Variants in MAPK14 observed in about 807,000 individuals in gnomAD.
MAPK14 encodes the protein mitogen-activated protein kinase 14, also known as CSAID-binding protein.
A neutral mutation model predicts 49.6 loss-of-function variants in MAPK14; 16 were observed. That is an observed-to-expected ratio of 0.32 (90% CI 0.22 to 0.49). The LOEUF is 0.49. MAPK14 is among the 20% of genes least tolerant of loss of function. MAPK14 has a pLI of 0.99. For synonymous variants in MAPK14, 142 were observed against 158.0 expected (o/e 0.90, Z 0.76); for missense variants, 200 against 441.2 (o/e 0.45, Z 4.90).
At chr6:36,108,313 CAG>C (rs1562157490) in intron 11 of MAPK14, 65 bp from the exon 12 acceptor site, 3 of 1,198,402 alleles carry the variant, frequency 2.5e-6, no homozygotes, top group Non-Finnish European at 3.7e-6. Context: ...GCTTAGAAGT[CAG>C]AGTGCTTGCC....
At chr6:36,060,690 A>G (rs1763784255) in intron 3 of MAPK14, among the ~76,000 whole-genome samples, 1 of 152,078 alleles carries the variant, frequency 6.6e-6, no homozygotes, top group South Asian at 2.1e-4. Context: ...CACAAAGGGG[A>G]TATGTTTGAA....
At chr6:36,093,554 C>T (rs2127464990) in intron 8 of MAPK14, among the ~76,000 whole-genome samples, 1 of 152,050 alleles carries the variant, frequency 6.6e-6, no homozygotes, top group South Asian at 2.1e-4. Context: ...CCCGTCTCTA[C>T]TAAAAATACA....
At chr6:36,122,407 C>T in the MAPK14 span, among the ~76,000 whole-genome samples, 1 of 152,222 alleles carries the variant, frequency 6.6e-6, no homozygotes, top group African/African-American at 2.4e-5. Flanking sequence ...TGAGTTGGGC[C>T]TGCATATCAG....
chr6:36,081,761 T>C (rs1764770592), intron 8 of MAPK14, among the ~76,000 whole-genome samples: 1 of 152,186 alleles, frequency 6.6e-6, no homozygotes. Context: ...CAATTGGCAT[T>C]TCTATTTCTG....
chr6:36,075,202 G>T (rs1184114793), intron 6 of MAPK14, among the ~76,000 whole-genome samples: 1 of 142,158 alleles, frequency 7.0e-6, no homozygotes, highest in African/African-American at 2.7e-5. Context: ...CCCCAGCCTG[G>T]GCAACAGAGC....
chr6:36,075,690 C>A, intron 6 of MAPK14, 158 bp from the exon 7 acceptor site: 1 of 927,902 alleles, frequency 1.1e-6, no homozygotes, highest in Non-Finnish European at 1.7e-6. Context: ...ATTTACCATA[C>A]ATTCTAAGTA....
chr6:36,103,476 A>G lies in MAPK14; in HGVS notation c.841+827A>G, dbSNP rs149220232. Among the ~76,000 whole-genome samples the G allele has an allele frequency of 3.4e-3, 510 of 152,198 alleles. 4 individuals are homozygous for G. The highest frequency in any genetic ancestry group is 0.011 in the African/African-American group (477 of 41,524). Reference sequence around the variant, plus strand: ...TGCCTCAGCCTTCCAAATAGCTAGGACTACAGGCATGCATCCCCAAGCCTG... The same window carrying G: ...TGCCTCAGCCTTCCAAATAGCTAGGGCTACAGGCATGCATCCCCAAGCCTG... On this transcript the variant is annotated intron_variant, in intron 10 of 11. Transcript: ENST00000229794.
At chr6:36,123,887 C>T in the MAPK14 span, among the ~76,000 whole-genome samples, 1 of 151,912 alleles carries the variant, frequency 6.6e-6, no homozygotes, top group African/African-American at 2.4e-5. Context: ...TGGAGTGGAA[C>T]GGGGAGTGTG....
intron 2 of MAPK14, among the ~76,000 whole-genome samples, chr6:36,055,381 T>C (rs566770756): frequency 6.6e-6 from 1 of 152,252 alleles, no homozygotes; most frequent in South Asian, 2.1e-4. Flanking sequence ...ATGCTAAATA[T>C]TGTCTCTGGA....
intron 10 of MAPK14, among the ~76,000 whole-genome samples, chr6:36,103,195 G>A (rs1428981438): frequency 6.6e-6 from 1 of 152,094 alleles, no homozygotes; most frequent in Non-Finnish European, 1.5e-5. Context: ...CCTGTTTGTG[G>A]AGCTTATTTG....
chr6:36,059,468 C>T, intron 3 of MAPK14, 121 bp downstream of exon 3: 1 of 728,424 alleles, frequency 1.4e-6, no homozygotes, highest in Non-Finnish European at 2.4e-6. Flanking sequence ...CTATCATGCA[C>T]CTCTTTTTGG....
intron 6 of MAPK14, 57 bp downstream of exon 6, chr6:36,074,153 T>TA: frequency 7.2e-7 from 1 of 1,385,382 alleles, no homozygotes. Context: ...TATGTTTGAC[T>TA]AAGCAGGCAG....
chr6:36,073,744 A>C (rs752924450), intron 5 of MAPK14, 24 bp downstream of exon 5: 1 of 1,608,168 alleles, frequency 6.2e-7, no homozygotes, highest in Non-Finnish European at 8.5e-7. Context: ...CTTTGATTAC[A>C]TTATTTTGGG....
At position 36,107,602 on chromosome 6, in the gene MAPK14, G is replaced by C; in HGVS notation, c.989G>C (p.Arg330Thr). The C allele has an allele frequency of 6.3e-7, 1 of 1,593,098 alleles. No individual in the cohort carries two copies. Among genetic ancestry groups the C allele is most frequent in the Non-Finnish European group, 8.5e-7 (1 of 1,170,458 alleles). ...CCTTATGATCAGTCCTTTGAAAGCA[G>C]GGACCTCCTTATAGATGAGTGGAAA... ...ADPYDQSFES[R>T]DLLIDEWKSL... Residue 330 changes from arginine to threonine, a missense_variant, in exon 11 of 12, where the codon AGG (arginine) becomes ACG (threonine). By Grantham distance (71) the Arg-to-Thr change is moderately conservative (BLOSUM62 -1). Coordinates refer to ENST00000229794, the MANE Select transcript of MAPK14 (RefSeq NM_139012.3). This position sits in a 1 kb window ranked among gnomAD's most constrained non-coding sequence, Gnocchi z 4.3.
At chr6:36,101,596 G>A (rs547472986) in intron 9 of MAPK14, among the ~76,000 whole-genome samples, 46 of 151,838 alleles carry the variant, frequency 3.0e-4, no homozygotes, top group African/African-American at 1.0e-3. Flanking sequence ...AGCTTCCTGG[G>A]CTCCATCTCC....
chr6:36,081,198 G>A (rs1764745526), intron 8 of MAPK14, among the ~76,000 whole-genome samples: 2 of 151,174 alleles, frequency 1.3e-5, no homozygotes. Context: ...TTTTTTTTCT[G>A]TCCTTGCTCA....
Position 36,051,344 on chromosome 6 carries a change from C to T in MAPK14, c.117-1355C>T, listed in dbSNP as rs138488321. The stretch of plus-strand genomic sequence containing the variant: ...CAGACTGGTCTCGAGCTCCTGACCT[C>T]GTGATCCTCCCGCCTCGGCCTCCCA... On this transcript the variant is annotated intron_variant, in intron 1 of 11. Transcript: ENST00000229794. Among the ~76,000 whole-genome samples the T allele has an allele frequency of 2.8e-3, 422 of 152,150 alleles. 4 individuals carry two copies. The highest frequency in any genetic ancestry group is 9.5e-3 in the African/African-American group (396 of 41,504).
chr6:36,123,689 G>T, the MAPK14 span, among the ~76,000 whole-genome samples: 39 of 152,350 alleles, frequency 2.6e-4, no homozygotes, highest in Middle Eastern at 3.4e-3. Flanking sequence ...CAGAGTCATT[G>T]TCCAGAGGTG....
intron 8 of MAPK14, among the ~76,000 whole-genome samples, chr6:36,085,087 A>C (rs1359329455): frequency 1.3e-5 from 2 of 152,172 alleles, no homozygotes; most frequent in African/African-American, 4.8e-5. Flanking sequence ...ATAGTCAAAG[A>C]AGAAATAAAA....
Sources: gnomAD v4.1 joint callset for allele counts (sites outside exome capture counted in the v4.1 genomes callset) on GRCh38, gnomAD v4.1.1 for gene constraint, Gnocchi (gnomAD v3.1) non-coding constraint, MANE v1.5 for transcripts, NCBI Gene and HGNC (gene_info 2026-07-23, HGNC 2026-07-21) for gene names.